WWOX: variants seen among roughly 807,000 people sequenced by gnomAD.
The protein encoded by WWOX is WW domain containing oxidoreductase.
A neutral mutation model predicts 46.2 loss-of-function variants in WWOX; 69 were observed. That is an observed-to-expected ratio of 1.49 (90% CI 1.23 to 1.82). The LOEUF (loss-of-function observed/expected upper bound fraction) is 1.82, where lower values mean the gene tolerates loss of function less well. WWOX is among the 40% of genes most tolerant of loss of function. The pLI is 0.00. For missense variants in WWOX, 919 were observed against 542.6 expected, an observed-to-expected ratio of 1.69 and a Z score of -6.89; for synonymous variants, 359 against 202.6, an observed-to-expected ratio of 1.77 and a Z score of -6.56.
intron 8 of WWOX, among the ~76,000 whole-genome samples, chr16:79,086,622 T>A (rs930653344): frequency 2.6e-5 from 4 of 152,198 alleles, no homozygotes; most frequent in African/African-American, 9.6e-5. Context: ...GGCTCATGCC[T>A]GTAATTCCAA....
intron 8 of WWOX, among the ~76,000 whole-genome samples, chr16:78,865,619 C>G (rs144626544): frequency 6.6e-6 from 1 of 152,170 alleles, no homozygotes; most frequent in East Asian, 1.9e-4. Flanking sequence ...GTGGCTCAAG[C>G]CTGTAATCCC....
chr16:79,119,487 A>G (rs1444478605), intron 8 of WWOX, among the ~76,000 whole-genome samples: 1 of 152,228 alleles, frequency 6.6e-6, no homozygotes, highest in East Asian at 1.9e-4. Context: ...GACACTTTGT[A>G]GGTGCTTTAT....
chr16:78,138,113 C>T (rs549439711), intron 4 of WWOX, among the ~76,000 whole-genome samples: 1 of 150,694 alleles, frequency 6.6e-6, no homozygotes, highest in Non-Finnish European at 1.5e-5. Flanking sequence ...TCGCTGCATC[C>T]TCTTCACGAG....
At chr16:78,474,774 C>T (rs777603055) in intron 8 of WWOX, among the ~76,000 whole-genome samples, 2 of 152,248 alleles carry the variant, frequency 1.3e-5, no homozygotes, top group East Asian at 1.9e-4. Flanking sequence ...CGCTAGTCTG[C>T]TCTTCATCTC....
intron 8 of WWOX, among the ~76,000 whole-genome samples, chr16:79,159,694 G>A (rs888683411): frequency 6.6e-6 from 1 of 152,184 alleles, no homozygotes; most frequent in African/African-American, 2.4e-5. Context: ...AGAACAGGGG[G>A]AAAGATAGCA....
chr16:78,895,334 A>G (rs2044678007), intron 8 of WWOX: 1 of 152,180 alleles, frequency 6.6e-6, no homozygotes, highest in Admixed American at 6.5e-5. Flanking sequence ...TGCATACAAC[A>G]TCTTCCTTTC....
In WWOX at chr16:78,874,108, T is replaced by A. The variant is rs58387406; in HGVS notation, c.1057-337500T>A. On this transcript the variant is annotated intron_variant, in intron 8 of 8. Coordinates refer to ENST00000566780, the MANE Select transcript of WWOX (RefSeq NM_016373.4). ...CTACTAAAATTATTTAAAAAAAAAA[T>A]AGCTGGGCATGGTGGCACACGTCTG... Among the ~76,000 whole-genome samples, 551 of 146,946 alleles carry A rather than the reference T, an allele frequency of 3.7e-3. 5 individuals are homozygous for A. Among genetic ancestry groups the A allele is most frequent in the African/African-American group, 0.013 (512 of 40,650 alleles).
intron 6 of WWOX, among the ~76,000 whole-genome samples, chr16:78,396,404 A>G (rs916696073): frequency 6.6e-6 from 1 of 152,238 alleles, no homozygotes; most frequent in Non-Finnish European, 1.5e-5. Flanking sequence ...TGTTCACAAA[A>G]TAAACATTTT....
At chr16:78,480,630 AT>A (rs1345172846) in intron 8 of WWOX, among the ~76,000 whole-genome samples, 1 of 152,218 alleles carries the variant, frequency 6.6e-6, no homozygotes, top group Non-Finnish European at 1.5e-5. Context: ...CAATTTAAAA[AT>A]GTTATTTTTT....
intron 8 of WWOX, among the ~76,000 whole-genome samples, chr16:78,971,472 AAAG>A (rs1398677969): frequency 7.1e-6 from 1 of 140,598 alleles, no homozygotes; most frequent in Admixed American, 7.0e-5. Context: ...AAAAAAAAAA[AAAG>A]AGAGAGATAG....
At chr16:78,734,737 C>T (rs1332768929) in intron 8 of WWOX, among the ~76,000 whole-genome samples, 1 of 150,750 alleles carries the variant, frequency 6.6e-6, no homozygotes, top group Non-Finnish European at 1.5e-5. Flanking sequence ...TTCTCAAGTG[C>T]CTGAGCTTCG....
At chr16:78,457,252 G>A (rs886375541) in intron 8 of WWOX, among the ~76,000 whole-genome samples, 2 of 152,166 alleles carry the variant, frequency 1.3e-5, no homozygotes, top group African/African-American at 4.8e-5. Flanking sequence ...TTATCCAGAG[G>A]TAGCAAAAGC....
At chr16:79,005,798 G>C (rs577002387) in intron 8 of WWOX, among the ~76,000 whole-genome samples, 10 of 152,296 alleles carry the variant, frequency 6.6e-5, no homozygotes, top group Middle Eastern at 6.8e-3. Flanking sequence ...GGGTGGACAT[G>C]CATTTTAGGG....
chr16:78,309,485 A>G (rs1236458383), intron 5 of WWOX, among the ~76,000 whole-genome samples: 2 of 152,136 alleles, frequency 1.3e-5, no homozygotes, highest in African/African-American at 2.4e-5. Context: ...CATCCCCATC[A>G]CTTTGAGTTG....
intron 8 of WWOX, among the ~76,000 whole-genome samples, chr16:78,718,722 G>C (rs56019235): frequency 0.17 from 25,715 of 151,930 alleles, 2,808 homozygotes; most frequent in Non-Finnish European, 0.23. Flanking sequence ...GCTTAGGAGA[G>C]TTCCAATGTT....
intron 8 of WWOX, among the ~76,000 whole-genome samples, chr16:79,145,629 A>C (rs959827697): frequency 3.3e-5 from 5 of 152,180 alleles, no homozygotes; most frequent in Admixed American, 2.0e-4. Flanking sequence ...ACAGTAAGAC[A>C]AAAAAAGTCT....
At chr16:78,645,255 G>A (rs750094066) in intron 8 of WWOX, among the ~76,000 whole-genome samples, 2 of 152,042 alleles carry the variant, frequency 1.3e-5, no homozygotes, top group African/African-American at 4.8e-5. Flanking sequence ...TTAGTTGTCA[G>A]TATAAATGCT....
intron 8 of WWOX, among the ~76,000 whole-genome samples, chr16:79,152,560 A>G (rs2050301648): frequency 6.6e-6 from 1 of 151,852 alleles, no homozygotes; most frequent in Non-Finnish European, 1.5e-5. Context: ...AGTCTCAGCT[A>G]CTCGGGAGGT....
At chr16:78,649,493 T>G (rs2046917930) in intron 8 of WWOX, among the ~76,000 whole-genome samples, 1 of 152,000 alleles carries the variant, frequency 6.6e-6, no homozygotes. Context: ...CCCAGGCTGG[T>G]GTTGAACTCC....
Sources: gnomAD v4.1 joint callset for allele counts (sites outside exome capture counted in the v4.1 genomes callset) on GRCh38, gnomAD v4.1.1 for gene constraint, MANE v1.5 for transcripts, NCBI Gene and HGNC (gene_info 2026-07-23, HGNC 2026-07-21) for gene names.